Variants in CALN1 observed in about 807,000 individuals in gnomAD.
CALN1 encodes calcium-binding protein 8.
In CALN1, 17 loss-of-function variants were observed where a neutral mutation model predicts 30.6. The ratio of observed to expected loss-of-function variants is 0.56; its 90% CI spans 0.38 to 0.83. The LOEUF (loss-of-function observed/expected upper bound fraction) is 0.83, where lower values mean the gene tolerates loss of function less well. Among genes scored for constraint, CALN1 ranks in the 40% least tolerant of loss-of-function variants. The pLI, the probability that CALN1 is intolerant of heterozygous loss-of-function variation, is 0.00. For synonymous variants in CALN1, 156 were observed against 131.4 expected, an observed-to-expected ratio of 1.19 and a Z score of -1.28; for missense variants, 291 against 354.9, an observed-to-expected ratio of 0.82 and a Z score of 1.45.
At chr7:72,436,379 T>C (rs943289006) in intron 1 of CALN1, among the ~76,000 whole-genome samples, 1 of 152,218 alleles carries the variant, frequency 6.6e-6, no homozygotes, top group Non-Finnish European at 1.5e-5. Flanking sequence ...CCATGTAAGA[T>C]GTGCCTTGTG....
intron 4 of CALN1, among the ~76,000 whole-genome samples, chr7:72,031,472 A>T (rs1417241283): frequency 2.6e-5 from 4 of 152,188 alleles, no homozygotes; most frequent in Non-Finnish European, 5.9e-5. Context: ...ACATCTTATC[A>T]ATGAGATAAC....
At chr7:72,456,196 A>G in the CALN1 span, among the ~76,000 whole-genome samples, 44 of 150,120 alleles carry the variant, frequency 2.9e-4, no homozygotes, top group African/African-American at 6.6e-4. Flanking sequence ...AAAAAAAAAA[A>G]AGAGAGAGAG....
intron 2 of CALN1, among the ~76,000 whole-genome samples, chr7:72,344,377 G>GA (rs1802518251): frequency 6.6e-6 from 1 of 151,946 alleles, no homozygotes; most frequent in Non-Finnish European, 1.5e-5. Flanking sequence ...TACTAAATTA[G>GA]AAAAATGTCA....
chr7:72,206,797 GT>G (rs745588147), intron 3 of CALN1, among the ~76,000 whole-genome samples: 10 of 152,202 alleles, frequency 6.6e-5, no homozygotes, highest in Admixed American at 2.6e-4. Context: ...TGAAGATATG[GT>G]TTTTCCTGCT....
intron 5 of CALN1, among the ~76,000 whole-genome samples, chr7:71,863,557 C>CAAAAAA (rs71531769): frequency 3.1e-4 from 10 of 32,208 alleles, no homozygotes; most frequent in Admixed American, 6.0e-4. Flanking sequence ...AACTCCATCT[C>CAAAAAA]AAAAAAAAAA....
the CALN1 span, among the ~76,000 whole-genome samples, chr7:72,459,087 T>TTTTTAGTA: frequency 0.24 from 35,787 of 151,104 alleles, 4,613 homozygotes; most frequent in African/African-American, 0.29. Context: ...AAATTTTGTA[T>TTTTTAGTA]GAGACGGGGT....
the CALN1 span, among the ~76,000 whole-genome samples, chr7:72,478,292 A>T: frequency 2.1e-5 from 3 of 144,412 alleles, no homozygotes; most frequent in African/African-American, 8.0e-5. Flanking sequence ...TATACTTTAT[A>T]TAAATAGTTA....
chr7:72,488,235 G>C, the CALN1 span, among the ~76,000 whole-genome samples: 1 of 151,866 alleles, frequency 6.6e-6, no homozygotes, highest in Non-Finnish European at 1.5e-5. Flanking sequence ...GCCAGGCATG[G>C]TAGCACATGC....
chr7:72,122,506 G>A (rs1347218651), intron 3 of CALN1, among the ~76,000 whole-genome samples: 1 of 152,152 alleles, frequency 6.6e-6, no homozygotes, highest in African/African-American at 2.4e-5. Flanking sequence ...GGAGGCCAAG[G>A]TGTGAGGATG....
the CALN1 span, among the ~76,000 whole-genome samples, chr7:72,483,668 C>T: frequency 6.6e-6 from 1 of 152,182 alleles, no homozygotes; most frequent in Non-Finnish European, 1.5e-5. Flanking sequence ...TCTAAATTTT[C>T]AGCCATTATG....
At chr7:71,812,966 T>TTA (rs1788052463) in intron 5 of CALN1, among the ~76,000 whole-genome samples, 1 of 108,476 alleles carries the variant, frequency 9.2e-6, no homozygotes, top group Admixed American at 9.4e-5. Flanking sequence ...TATTATTATT[T>TTA]GAGATGGAGT....
intron 3 of CALN1, among the ~76,000 whole-genome samples, chr7:72,255,609 T>C (rs1320951007): frequency 6.6e-6 from 1 of 150,820 alleles, no homozygotes; most frequent in African/African-American, 2.4e-5. Context: ...AGAAACAGGG[T>C]TTTGCCACAT....
intron 5 of CALN1, among the ~76,000 whole-genome samples, chr7:71,899,100 TTC>T (rs139995011): frequency 3.3e-5 from 5 of 150,038 alleles, no homozygotes; most frequent in Non-Finnish European, 4.4e-5. Context: ...AATACACAAC[TTC>T]TCTCTCTCTC....
intron 5 of CALN1, among the ~76,000 whole-genome samples, chr7:71,993,340 C>G (rs943626189): frequency 3.3e-5 from 5 of 152,094 alleles, no homozygotes; most frequent in African/African-American, 1.2e-4. Flanking sequence ...ATGGTGTGTG[C>G]CTGTAGTCCT....
intron 1 of CALN1, among the ~76,000 whole-genome samples, chr7:72,420,042 A>T (rs901798268): frequency 1.3e-5 from 2 of 152,242 alleles, no homozygotes; most frequent in South Asian, 2.1e-4. Context: ...GGTGCAGAAG[A>T]CTGTCACCCT....
At chr7:72,176,853 G>T (rs1054538422) in intron 3 of CALN1, among the ~76,000 whole-genome samples, 4 of 152,124 alleles carry the variant, frequency 2.6e-5, no homozygotes, top group Non-Finnish European at 4.4e-5. Context: ...TTTGGTGCCA[G>T]ATCCCCTTCT....
the CALN1 span, among the ~76,000 whole-genome samples, chr7:72,476,827 G>C: frequency 6.6e-6 from 1 of 152,328 alleles, no homozygotes; most frequent in East Asian, 1.9e-4. Context: ...AGAGTCCCCT[G>C]CTGGAGATCA....
intron 3 of CALN1, among the ~76,000 whole-genome samples, chr7:72,131,150 C>A (rs990918990): frequency 6.6e-6 from 1 of 152,092 alleles, no homozygotes; most frequent in African/African-American, 2.4e-5. Context: ...GGCAGAAAAG[C>A]CAGCAGACCA....
chr7:72,054,625 C>T (rs945905376), intron 4 of CALN1, among the ~76,000 whole-genome samples: 2 of 150,284 alleles, frequency 1.3e-5, no homozygotes, highest in African/African-American at 4.9e-5. Context: ...ATGAATGGAG[C>T]TGGAAGCTGT....
Sources: allele counts gnomAD v4.1 joint callset (sites outside exome capture counted in the v4.1 genomes callset), GRCh38; gene constraint gnomAD v4.1.1; transcripts MANE v1.5; gene names NCBI Gene and HGNC (gene_info 2026-07-23, HGNC 2026-07-21).